TMEM131: variants seen among roughly 807,000 people sequenced by gnomAD.
TMEM131 encodes the protein transmembrane protein 131, also known as 2610524E03Rik.
A neutral mutation model predicts 211.6 loss-of-function variants in TMEM131; 66 were observed. The observed-to-expected ratio is 0.31, with a 90% confidence interval of 0.26 to 0.38. The LOEUF (loss-of-function observed/expected upper bound fraction) is 0.38. Ranked by LOEUF, TMEM131 falls within the 10% of genes least tolerant of loss-of-function variation. The pLI, the probability that TMEM131 is intolerant of heterozygous loss-of-function variation, is 1.00. For missense variants in TMEM131, 2,036 were observed against 2,299.3 expected, an observed-to-expected ratio of 0.89 and a Z score of 2.34; for synonymous variants, 844 against 841.3, an observed-to-expected ratio of 1.00 and a Z score of -0.06.
At chr2:97,980,775 G>A (rs973254946) in intron 1 of TMEM131, among the ~76,000 whole-genome samples, 2 of 152,006 alleles carry the variant, frequency 1.3e-5, no homozygotes, top group African/African-American at 4.8e-5. Context: ...AATCTCAAGT[G>A]TCTTGTGCTG....
chr2:97,909,960 G>A (rs190255778), intron 2 of TMEM131, among the ~76,000 whole-genome samples: 162 of 151,988 alleles, frequency 1.1e-3, no homozygotes, highest in African/African-American at 3.8e-3. Flanking sequence ...CCATGCAGTG[G>A]GAGAAAATAT....
At chr2:97,805,762 A>C in intron 19 of TMEM131, 59 bp from the exon 20 acceptor site, 1 of 1,472,374 alleles carries the variant, frequency 6.8e-7, no homozygotes. Context: ...TCTTAAGATC[A>C]CAAGTTTCAG....
Position 97,893,960 on chromosome 2 carries a change from C to T in TMEM131, c.291-5840G>A, listed in dbSNP as rs148123630. ...GATATGAAGTCTTTGCCCATGCCTA[C>T]GTCCTGAATGGTATTGCCTAGGTTT... is the stretch of plus-strand genomic sequence containing the variant. On this transcript the variant is annotated intron_variant, in intron 3 of 40. Transcript: ENST00000186436. 1.0e-3 allele frequency among the ~76,000 whole-genome samples: 153 copies of T among 152,160 alleles called. 2 individuals carry two copies. In the East Asian group the frequency reaches 0.022, roughly 22 times the overall value.
chr2:97,893,733 GGTTT>G (rs1189572868), intron 3 of TMEM131, among the ~76,000 whole-genome samples: 1 of 146,334 alleles, frequency 6.8e-6, no homozygotes, highest in Non-Finnish European at 1.6e-5. Flanking sequence ...ACTTTTTGAT[GGTTT>G]TTTTTTCTTG....
chr2:97,796,755 A>G lies in TMEM131; in HGVS notation c.3013+89T>C. 4 of 1,294,448 alleles carry G rather than the reference A, an allele frequency of 3.1e-6. No homozygotes were observed. The South Asian group carries it at 5.4e-5, about 18-fold the overall frequency. The allele number at this position is 1,294,448 out of a possible 1,614,324, so 80.2% of individuals were successfully genotyped here. On this transcript the variant is annotated intron_variant, in intron 27 of 40. Coordinates refer to ENST00000186436, the MANE Select transcript of TMEM131 (RefSeq NM_015348.2). ...ATTCATAACTAATATACACAGGTGCACATACAGAAATAATGTTGTTTTTGA... is the reference window on the plus strand; with the variant it reads ...ATTCATAACTAATATACACAGGTGCGCATACAGAAATAATGTTGTTTTTGA...
intron 11 of TMEM131, among the ~76,000 whole-genome samples, chr2:97,832,194 A>G (rs1323342495): frequency 2.0e-5 from 3 of 152,162 alleles, no homozygotes; most frequent in African/African-American, 7.2e-5. Flanking sequence ...AAGAAAAAGG[A>G]CAAACATGGG....
At chr2:97,977,827 C>A (rs978138881) in intron 1 of TMEM131, among the ~76,000 whole-genome samples, 19 of 152,048 alleles carry the variant, frequency 1.2e-4, no homozygotes, top group Admixed American at 1.2e-3. Context: ...GTGGCTCATG[C>A]CTATAATCCC....
chr2:97,990,153 C>A (rs1680197067), intron 1 of TMEM131, among the ~76,000 whole-genome samples: 1 of 152,122 alleles, frequency 6.6e-6, no homozygotes, highest in Non-Finnish European at 1.5e-5. Context: ...GTATCTAAGT[C>A]ATCAAGAACA....
At chr2:97,860,003 G>A (rs1158615331) in intron 4 of TMEM131, among the ~76,000 whole-genome samples, 1 of 152,184 alleles carries the variant, frequency 6.6e-6, no homozygotes, top group Middle Eastern at 3.2e-3. Context: ...ACTGCCTCTT[G>A]TCAAACCTAA....
chr2:97,928,906 T>C (rs1190543750), intron 1 of TMEM131, among the ~76,000 whole-genome samples: 2 of 151,828 alleles, frequency 1.3e-5, no homozygotes, highest in Non-Finnish European at 2.9e-5. Context: ...GTGAAACATA[T>C]ACATTATTAC....
intron 33 of TMEM131, among the ~76,000 whole-genome samples, chr2:97,770,120 G>A (rs1365244290): frequency 6.6e-6 from 1 of 152,174 alleles, no homozygotes; most frequent in Non-Finnish European, 1.5e-5. Flanking sequence ...AGGAATTTCA[G>A]GAATCACTAA....
intron 18 of TMEM131, among the ~76,000 whole-genome samples, chr2:97,810,113 A>G (rs1307354579): frequency 6.6e-6 from 1 of 152,212 alleles, no homozygotes; most frequent in Non-Finnish European, 1.5e-5. Context: ...AGATTATTTT[A>G]AAAAAGAAAG....
intron 32 of TMEM131, among the ~76,000 whole-genome samples, chr2:97,774,176 T>C (rs879841972): frequency 1.3e-5 from 2 of 152,260 alleles, no homozygotes; most frequent in Non-Finnish European, 2.9e-5. Context: ...CTTTGAGTTA[T>C]TCATGAAGTC....
intron 4 of TMEM131, among the ~76,000 whole-genome samples, chr2:97,869,940 C>T (rs1305802017): frequency 3.3e-5 from 5 of 152,250 alleles, no homozygotes; most frequent in Non-Finnish European, 7.3e-5. Context: ...GTGTCCTCAT[C>T]TGAAGCTCAA....
At chr2:97,918,858 T>A (rs996993176) in intron 2 of TMEM131, among the ~76,000 whole-genome samples, 8 of 138,576 alleles carry the variant, frequency 5.8e-5, no homozygotes, top group Non-Finnish European at 1.1e-4. Context: ...TAAAACAATT[T>A]ATTCTCACTT....
At chr2:97,855,635 G>A (rs1368581448) in intron 5 of TMEM131, among the ~76,000 whole-genome samples, 2 of 151,708 alleles carry the variant, frequency 1.3e-5, no homozygotes, top group African/African-American at 4.9e-5. Context: ...AGGAGGCAGA[G>A]GTTGCAGTGA....
intron 1 of TMEM131, among the ~76,000 whole-genome samples, chr2:97,929,544 G>A (rs1313548152): frequency 2.0e-5 from 3 of 151,730 alleles, no homozygotes; most frequent in Non-Finnish European, 2.9e-5. Context: ...AGCAGAATAA[G>A]ATACTAGTTA....
intron 3 of TMEM131, among the ~76,000 whole-genome samples, chr2:97,889,988 A>G (rs1303426312): frequency 6.6e-6 from 1 of 152,142 alleles, no homozygotes. Context: ...CTGAGGAGGG[A>G]CACTGCTGCC....
chr2:97,943,232 G>C (rs1023475409), intron 1 of TMEM131, among the ~76,000 whole-genome samples: 1 of 151,802 alleles, frequency 6.6e-6, no homozygotes, highest in Non-Finnish European at 1.5e-5. Flanking sequence ...TGGGCAACAA[G>C]GCAAGACCCT....
Sources: gnomAD v4.1 joint callset for allele counts (sites outside exome capture counted in the v4.1 genomes callset) on GRCh38, gnomAD v4.1.1 for gene constraint, MANE v1.5 for transcripts, NCBI Gene and HGNC (gene_info 2026-07-23, HGNC 2026-07-21) for gene names.